Variants in CLIC4 observed in about 807,000 individuals in gnomAD.
CLIC4 encodes the protein CLIC family member 4.
A neutral mutation model predicts 24.6 loss-of-function variants in CLIC4; 13 were observed. That is an observed-to-expected ratio of 0.53 (90% CI 0.34 to 0.84). The LOEUF (loss-of-function observed/expected upper bound fraction) is 0.84, where lower values mean the gene tolerates loss of function less well. CLIC4 is among the 40% of genes least tolerant of loss of function. CLIC4 has a pLI of 0.01. For missense variants in CLIC4, 227 were observed against 301.7 expected (o/e 0.75, Z 1.83); for synonymous variants, 104 against 111.3 (o/e 0.93, Z 0.41).
chr1:24,787,778 CTCGTGATCCACCTTCT>C (rs1289596259), intron 1 of CLIC4, among the ~76,000 whole-genome samples: 14 of 151,444 alleles, frequency 9.2e-5, no homozygotes, highest in African/African-American at 3.2e-4. Flanking sequence ...ATCTCCTGAC[CTCGTGATCCACCTTCT>C]TCGGCCTCCC....
intron 1 of CLIC4, among the ~76,000 whole-genome samples, chr1:24,797,156 A>T (rs1192564748): frequency 6.6e-6 from 1 of 150,646 alleles, no homozygotes; most frequent in Non-Finnish European, 1.5e-5. Context: ...GTTTCACCAT[A>T]TTGGCCAGGC....
intron 3 of CLIC4, among the ~76,000 whole-genome samples, chr1:24,815,828 C>T (rs897183421): frequency 1.3e-5 from 2 of 152,152 alleles, no homozygotes; most frequent in East Asian, 3.8e-4. Context: ...AGTGTTTTTA[C>T]CCACAGTAGA....
intron 4 of CLIC4, among the ~76,000 whole-genome samples, chr1:24,831,818 T>C (rs1349970787): frequency 6.6e-6 from 1 of 152,148 alleles, no homozygotes; most frequent in Non-Finnish European, 1.5e-5. Context: ...TTTGTATTTT[T>C]AGTAGATACG....
intron 4 of CLIC4, among the ~76,000 whole-genome samples, chr1:24,835,541 C>G (rs868600510): frequency 6.6e-6 from 1 of 151,690 alleles, no homozygotes; most frequent in Non-Finnish European, 1.5e-5. Context: ...CCAGCCTGGG[C>G]GACAGAGTGT....
intron 1 of CLIC4, among the ~76,000 whole-genome samples, chr1:24,773,659 A>G (rs1427505490): frequency 6.9e-6 from 1 of 145,448 alleles, no homozygotes; most frequent in Non-Finnish European, 1.5e-5. Context: ...TGCAGTGGTA[A>G]GATCATAGCT....
At chr1:24,795,435 T>C (rs1374235447) in intron 1 of CLIC4, among the ~76,000 whole-genome samples, 2 of 152,004 alleles carry the variant, frequency 1.3e-5, no homozygotes, top group Non-Finnish European at 2.9e-5. Context: ...GGCGGGAGTA[T>C]TTCTTAAGTC....
At chr1:24,793,266 T>C (rs1639362114) in intron 1 of CLIC4, 1 of 152,104 alleles carries the variant, frequency 6.6e-6, no homozygotes, top group Non-Finnish European at 1.5e-5. Flanking sequence ...GTGTTATCAG[T>C]GTTCCATGCT....
chr1:24,836,476 T>A (rs1166090974), intron 4 of CLIC4, among the ~76,000 whole-genome samples: 1 of 152,072 alleles, frequency 6.6e-6, no homozygotes, highest in Non-Finnish European at 1.5e-5. Context: ...AGCTAAAAAT[T>A]TTTCCAAAAA....
intron 4 of CLIC4, among the ~76,000 whole-genome samples, chr1:24,827,699 A>C (rs2124167836): frequency 1.3e-5 from 2 of 152,100 alleles, no homozygotes; most frequent in Middle Eastern, 3.4e-3. Context: ...TTTTCAAGTC[A>C]TGTTTTCGCG....
intron 1 of CLIC4, among the ~76,000 whole-genome samples, chr1:24,767,798 G>A (rs961601235): frequency 6.6e-6 from 1 of 151,226 alleles, no homozygotes; most frequent in Admixed American, 6.6e-5. Context: ...GATCTTATTG[G>A]TTCTGTACAA....
At chr1:24,798,755 G>A (rs983038049) in intron 2 of CLIC4, among the ~76,000 whole-genome samples, 9 of 151,892 alleles carry the variant, frequency 5.9e-5, no homozygotes, top group Middle Eastern at 3.4e-3. Context: ...CAACCTCCCT[G>A]CCTGATTCTC....
intron 4 of CLIC4, among the ~76,000 whole-genome samples, chr1:24,828,202 T>A (rs1203459700): frequency 6.6e-6 from 1 of 152,210 alleles, no homozygotes; most frequent in Non-Finnish European, 1.5e-5. Context: ...TGGATTCCAA[T>A]GTCTTTTGCT....
At chr1:24,747,239 A>G (rs1219504553) in intron 1 of CLIC4, among the ~76,000 whole-genome samples, 1 of 151,202 alleles carries the variant, frequency 6.6e-6, no homozygotes, top group Admixed American at 6.6e-5. Flanking sequence ...AACCTGAAAT[A>G]CAAGAAAGGA....
chr1:24,788,505 A>G (rs994420195), intron 1 of CLIC4, among the ~76,000 whole-genome samples: 3 of 152,146 alleles, frequency 2.0e-5, no homozygotes, highest in Non-Finnish European at 4.4e-5. Context: ...GTGGATGTAG[A>G]AGTCCGTTAT....
intron 1 of CLIC4, among the ~76,000 whole-genome samples, chr1:24,746,271 G>T (rs1638696886): frequency 6.6e-6 from 1 of 152,188 alleles, no homozygotes; most frequent in African/African-American, 2.4e-5. Context: ...CTCAAGCGCG[G>T]AGTGTTCTGT....
chr1:24,818,723 G>A (rs778949107), intron 3 of CLIC4, among the ~76,000 whole-genome samples: 42 of 151,972 alleles, frequency 2.8e-4, no homozygotes, highest in Non-Finnish European at 4.7e-4. Context: ...TCATGTATGG[G>A]TGGAGAGGTG....
At chr1:24,818,394 C>T (rs1377018737) in intron 3 of CLIC4, among the ~76,000 whole-genome samples, 7 of 152,222 alleles carry the variant, frequency 4.6e-5, no homozygotes, top group African/African-American at 1.4e-4. Context: ...TCAAGTGATT[C>T]TTGTGCTTCA....
intron 1 of CLIC4, among the ~76,000 whole-genome samples, chr1:24,752,801 C>T (rs971266305): frequency 6.6e-6 from 1 of 152,212 alleles, no homozygotes; most frequent in African/African-American, 2.4e-5. Flanking sequence ...TGGCTCACTG[C>T]AACCTCTGCT....
chr1:24,842,013 A>C lies in CLIC4; in HGVS notation c.*1076A>C, dbSNP rs984618550. ...TGCGTTATCCATCCTATATAAAAGA[A>C]AGATAAAACACAGGTCACCAATTTT... is the stretch of plus-strand genomic sequence containing the variant. On this transcript the variant is annotated 3_prime_UTR_variant, in exon 6 of 6. Transcript: ENST00000374379. 12 of 152,626 alleles carry C rather than the reference A, an allele frequency of 7.9e-5. No homozygotes were observed. The highest frequency in any genetic ancestry group is 7.2e-4 in the Admixed American group (11 of 15,278). 9.5% of individuals were successfully genotyped at this position (152,626 alleles called of 1,614,324 possible). A position where few individuals can be genotyped will look rare whatever the true frequency, so the allele number is the denominator to read the frequency against.
Sources: gnomAD v4.1 joint callset for allele counts (sites outside exome capture counted in the v4.1 genomes callset) on GRCh38, gnomAD v4.1.1 for gene constraint, MANE v1.5 for transcripts, NCBI Gene and HGNC (gene_info 2026-07-23, HGNC 2026-07-21) for gene names.